The following TAFA2 variants were observed in gnomAD, a reference collection of about 807,000 sequenced individuals.
The protein encoded by TAFA2 is TAFA chemokine like family member 2.
Under a neutral mutation model 18.8 loss-of-function variants are expected in TAFA2, and 7 were observed. The observed-to-expected ratio is 0.37, with a 90% CI of 0.21 to 0.70. The LOEUF is 0.70. TAFA2 is among the 30% of genes least tolerant of loss of function. The probability of loss-of-function intolerance (pLI) is 0.53; values close to 1 mark genes in which losing one functional copy is unlikely to be tolerated. For missense variants in TAFA2, 122 were observed against 158.1 expected (o/e 0.77, Z 1.23); for synonymous variants, 60 against 54.2 (o/e 1.11, Z -0.47).
chr12:62,185,439 C>T (rs1016142283), intron 1 of TAFA2, among the ~76,000 whole-genome samples: 1 of 152,124 alleles, frequency 6.6e-6, no homozygotes. Flanking sequence ...AAAGAAAATA[C>T]AAACAAAGCT....
intron 1 of TAFA2, among the ~76,000 whole-genome samples, chr12:62,175,556 T>A (rs1181891539): frequency 6.6e-6 from 1 of 152,136 alleles, no homozygotes; most frequent in Admixed American, 6.6e-5. Context: ...TATAATAAGC[T>A]CCTTTTATAC....
intron 1 of TAFA2, among the ~76,000 whole-genome samples, chr12:62,169,354 C>T (rs551142510): frequency 3.4e-4 from 51 of 152,228 alleles, no homozygotes; most frequent in African/African-American, 1.2e-3. Context: ...AATACACCTA[C>T]GATGCCTCTC....
In TAFA2 at chr12:62,143,580, CTA is replaced by C. The variant is rs540589517; in HGVS notation, c.-2+47677_-2+47678del. Among the ~76,000 whole-genome samples, 61 of 152,214 alleles carry C rather than the reference CTA, an allele frequency of 4.0e-4. 2 individuals are homozygous for C. In the South Asian group the frequency reaches 0.012, roughly 31 times the overall value. On this transcript the variant is annotated intron_variant, in intron 1 of 4. Coordinates refer to ENST00000416284, the MANE Select transcript of TAFA2 (RefSeq NM_178539.5). ...CTCCAGCATGTGCCATTCATGTGAT[CTA>C]TGTGAAGGTAGCTGGCTAGACCAAT...
intron 1 of TAFA2, among the ~76,000 whole-genome samples, chr12:62,228,159 T>C (rs2062796093): frequency 6.6e-6 from 1 of 152,178 alleles, no homozygotes; most frequent in Non-Finnish European, 1.5e-5. Flanking sequence ...ACCTGATAGG[T>C]AGTTTTTCAA....
At chr12:62,120,834 T>A (rs1870159520) in intron 1 of TAFA2, among the ~76,000 whole-genome samples, 1 of 150,676 alleles carries the variant, frequency 6.6e-6, no homozygotes, top group Non-Finnish European at 1.5e-5. Context: ...TTCTTTATTA[T>A]TATTATTATT....
At chr12:62,021,119 C>A (rs1008407808) in intron 1 of TAFA2, among the ~76,000 whole-genome samples, 4 of 152,020 alleles carry the variant, frequency 2.6e-5, no homozygotes, top group African/African-American at 9.7e-5. Context: ...ACTGGGAAAA[C>A]AAGAGGTCTA....
chr12:61,745,492 C>G (rs1436950103), intron 4 of TAFA2, among the ~76,000 whole-genome samples: 1 of 152,052 alleles, frequency 6.6e-6, no homozygotes, highest in Non-Finnish European at 1.5e-5. Flanking sequence ...ATGCCCTCAC[C>G]TCCCAAGACC....
chr12:61,926,416 C>G (rs969181863), intron 1 of TAFA2, among the ~76,000 whole-genome samples: 3 of 152,210 alleles, frequency 2.0e-5, no homozygotes, highest in Non-Finnish European at 2.9e-5. Context: ...AGGCCAATAT[C>G]CCTGATGAAC....
intron 2 of TAFA2, among the ~76,000 whole-genome samples, chr12:61,836,417 A>C (rs952141202): frequency 1.3e-5 from 2 of 151,852 alleles, no homozygotes; most frequent in East Asian, 1.9e-4. Flanking sequence ...AATTTAGAGG[A>C]TACATTATAA....
Position 61,892,493 on chromosome 12 carries a change from A to G in TAFA2, c.-1-25067T>C, listed in dbSNP as rs1400214423. ...GTTTGAATTTCCAAAGCAGTGAACA[A>G]TGATTTAATATAAGTATGTCCAAAA... On this transcript the variant is annotated intron_variant, in intron 1 of 4. Transcript: ENST00000416284. 2.0e-5 allele frequency among the ~76,000 whole-genome samples: 3 copies of G among 152,238 alleles called. No homozygotes were observed. In the East Asian group the frequency reaches 5.8e-4, roughly 29 times the overall value.
At chr12:61,814,964 C>A (rs1445564119) in intron 2 of TAFA2, among the ~76,000 whole-genome samples, 1 of 151,450 alleles carries the variant, frequency 6.6e-6, no homozygotes, top group Non-Finnish European at 1.5e-5. Flanking sequence ...TTGATTGCAG[C>A]CCAATTCATT....
intron 1 of TAFA2, among the ~76,000 whole-genome samples, chr12:61,958,897 TC>T (rs1878788712): frequency 6.6e-6 from 1 of 152,080 alleles, no homozygotes; most frequent in African/African-American, 2.4e-5. Context: ...TTTTTATTTT[TC>T]TTCATATATT....
chr12:62,192,826 A>C (rs1286833420), upstream of TAFA2: 2 of 152,288 alleles, frequency 1.3e-5, no homozygotes, highest in African/African-American at 2.4e-5. Context: ...AAAGATGAGG[A>C]GGCAACTGGT....
intron 2 of TAFA2, among the ~76,000 whole-genome samples, chr12:61,851,909 A>T (rs1873683022): frequency 7.0e-6 from 1 of 143,196 alleles, no homozygotes; most frequent in Non-Finnish European, 1.5e-5. Context: ...GAGTCAGGAC[A>T]TTTTGGATAA....
intron 2 of TAFA2, among the ~76,000 whole-genome samples, chr12:61,823,704 T>TC (rs1872415271): frequency 6.6e-6 from 1 of 151,992 alleles, no homozygotes; most frequent in African/African-American, 2.4e-5. Context: ...TAGCCTTCCT[T>TC]CCCCCTCCAA....
chr12:62,175,866 T>TTA (rs71083984), intron 1 of TAFA2, among the ~76,000 whole-genome samples: 24 of 21,964 alleles, frequency 1.1e-3, no homozygotes, highest in African/African-American at 3.7e-3. Flanking sequence ...AAAGAACATA[T>TTA]TATATATATA....
chr12:61,806,593 A>G (rs1458289451), intron 2 of TAFA2, among the ~76,000 whole-genome samples: 1 of 152,198 alleles, frequency 6.6e-6, no homozygotes, highest in African/African-American at 2.4e-5. Flanking sequence ...ACGGGGTAGA[A>G]TTGTTTGGAG....
At chr12:61,748,465 A>G (rs1196990099) in intron 4 of TAFA2, among the ~76,000 whole-genome samples, 2 of 152,156 alleles carry the variant, frequency 1.3e-5, no homozygotes, top group African/African-American at 4.8e-5. Context: ...TAAATTTGCA[A>G]GGCTAGAGAG....
chr12:61,751,330 G>C (rs1444080278), intron 4 of TAFA2, among the ~76,000 whole-genome samples: 1 of 151,944 alleles, frequency 6.6e-6, no homozygotes, highest in Non-Finnish European at 1.5e-5. Context: ...CTTTCTATTT[G>C]GAATGCCATA....
Sources: gnomAD v4.1 joint callset for allele counts (sites outside exome capture counted in the v4.1 genomes callset) on GRCh38, gnomAD v4.1.1 for gene constraint, MANE v1.5 for transcripts, NCBI Gene and HGNC (gene_info 2026-07-23, HGNC 2026-07-21) for gene names.